The following MYO1H variants were observed in gnomAD, a reference collection of about 807,000 sequenced individuals.
MYO1H encodes myosin IH, also known as unconventional myosin-Ih.
A neutral mutation model predicts 149.3 loss-of-function variants in MYO1H; 118 were observed. The observed-to-expected ratio is 0.79, with a 90% confidence interval of 0.68 to 0.92. MYO1H has a LOEUF of 0.92. Among genes scored for constraint, MYO1H ranks in the 40% least tolerant of loss-of-function variants. MYO1H has a pLI of 0.00. For missense variants in MYO1H, 1,212 were observed against 1,280.7 expected (o/e 0.95, Z 0.82); for synonymous variants, 447 against 465.2 (o/e 0.96, Z 0.50).
At position 109,443,409 on chromosome 12, in the gene MYO1H, G is replaced by C. The variant is rs1013262073; in HGVS notation, c.2689-105G>C. ...ACACACACACATACACGCAAAATCT[G>C]TTTGAGCTTTTCTAAATGCTTGACA... On this transcript the variant is annotated intron_variant, in intron 27 of 31. Transcript: ENST00000310903. 3.9e-6 allele frequency: 5 copies of C among 1,290,942 alleles called. No individual in the cohort carries two copies. The African/African-American group carries it at 6.0e-5, about 15-fold the overall frequency. 80.0% of individuals were successfully genotyped at this position (1,290,942 alleles called of 1,614,324 possible).
intron 14 of MYO1H, among the ~76,000 whole-genome samples, chr12:109,412,666 A>T (rs1399406047): frequency 3.3e-5 from 5 of 152,184 alleles, no homozygotes; most frequent in Non-Finnish European, 7.3e-5. Context: ...AGAGTACCAC[A>T]TCCCACAAGA....
rs1179239532 is a variant in MYO1H at position 109,420,997 on chromosome 12, CA to C, written c.1616del (p.Asn539MetfsTer8). On this transcript the variant is annotated frameshift_variant, in exon 16 of 32. Transcript: ENST00000310903. LOFTEE classifies it high-confidence loss of function. ...GTTTTACAGGATTCTTGGAAAAAAA[CA>C]ATGATCTTCTTTACAGACATCTGAA... The C allele has an allele frequency of 6.3e-7, 1 of 1,586,348 alleles. No individual in the cohort carries two copies. Among genetic ancestry groups the C allele is most frequent in the Non-Finnish European group, 8.6e-7 (1 of 1,158,084 alleles).
At chr12:109,364,171 TAAAAAAAAAAAA>T (rs746308903) in intron 1 of MYO1H, among the ~76,000 whole-genome samples, 13 of 90,290 alleles carry the variant, frequency 1.4e-4, no homozygotes, top group South Asian at 7.8e-4. Flanking sequence ...ACCATGTCTT[TAAAAAAAAAAAA>T]AAAAAAAAAA....
intron 3 of MYO1H, among the ~76,000 whole-genome samples, chr12:109,395,779 C>CTA (rs1056255122): frequency 2.1e-4 from 32 of 151,366 alleles, no homozygotes; most frequent in African/African-American, 6.8e-4. Flanking sequence ...AGCTCTTCTA[C>CTA]TATTTGAGTT....
At chr12:109,443,007 AAAAT>A (rs1322469522) in intron 27 of MYO1H, among the ~76,000 whole-genome samples, 1,327 of 83,894 alleles carry the variant, frequency 0.016, 202 homozygotes, top group Middle Eastern at 0.024. Flanking sequence ...GAAAAAAAAA[AAAAT>A]ATATATATAT....
chr12:109,334,315 C>A, the MYO1H span, among the ~76,000 whole-genome samples: 1 of 152,124 alleles, frequency 6.6e-6, no homozygotes, highest in African/African-American at 2.4e-5. Context: ...CCACCGTGCC[C>A]AGCCCTACTT....
At chr12:109,446,182 G>A (rs1872471273) in intron 31 of MYO1H, 2 of 985,060 alleles carry the variant, frequency 2.0e-6, no homozygotes, top group South Asian at 9.4e-5. Flanking sequence ...AGAGGTTTGG[G>A]AACCATGGCT....
the MYO1H span, among the ~76,000 whole-genome samples, chr12:109,323,378 G>T: frequency 6.6e-6 from 1 of 152,232 alleles, no homozygotes; most frequent in Admixed American, 6.5e-5. Flanking sequence ...AAAATAGCAA[G>T]TGTCATGGGC....
At chr12:109,433,148 C>T in intron 20 of MYO1H, 138 bp downstream of exon 20, 1 of 704,692 alleles carries the variant, frequency 1.4e-6, no homozygotes, top group South Asian at 1.7e-5. Context: ...GCTTCATCTA[C>T]TCGATGTAAA....
chr12:109,411,164 A>T (rs961329509), intron 13 of MYO1H, among the ~76,000 whole-genome samples: 1 of 152,128 alleles, frequency 6.6e-6, no homozygotes, highest in Non-Finnish European at 1.5e-5. Context: ...TAAAAATAAA[A>T]AAAGGGTTGA....
intron 1 of MYO1H, among the ~76,000 whole-genome samples, chr12:109,365,033 G>A (rs1251075624): frequency 6.6e-6 from 1 of 152,180 alleles, no homozygotes; most frequent in Non-Finnish European, 1.5e-5. Flanking sequence ...TGATTTGGAA[G>A]GCCGAGGCGG....
intron 1 of MYO1H, among the ~76,000 whole-genome samples, chr12:109,362,315 C>T (rs1868771427): frequency 6.6e-6 from 1 of 152,140 alleles, no homozygotes; most frequent in Admixed American, 6.5e-5. Context: ...GATGTGAAGT[C>T]TGATTTGAGC....
chr12:109,368,467 G>A (rs1285617323), intron 1 of MYO1H, among the ~76,000 whole-genome samples: 1 of 151,988 alleles, frequency 6.6e-6, no homozygotes, highest in Non-Finnish European at 1.5e-5. Context: ...ACCATCCTGG[G>A]CAACGTGGTG....
intron 12 of MYO1H, among the ~76,000 whole-genome samples, chr12:109,410,286 C>T (rs1870610953): frequency 6.6e-6 from 1 of 152,030 alleles, no homozygotes; most frequent in South Asian, 2.1e-4. Context: ...GGATCACAGG[C>T]ACATGCCACC....
chr12:109,399,422 T>A (rs1171316217), intron 5 of MYO1H, among the ~76,000 whole-genome samples: 1 of 149,766 alleles, frequency 6.7e-6, no homozygotes, highest in African/African-American at 2.5e-5. Context: ...TGAAACCCTG[T>A]CTCTAATAAA....
rs374342129 is a variant in MYO1H at position 109,415,511 on chromosome 12, A to C, written c.1503-15A>C. 6.3e-7 allele frequency: 1 copy of C among 1,591,462 alleles called. No homozygotes were observed. The highest frequency in any genetic ancestry group is 8.6e-7 in the Non-Finnish European group (1 of 1,168,932). ...AGAAAAGAAAGTTCAACTCGTGTCT[A>C]TTTCTGTCTCGTAGCCGTAAGCTGG... On this transcript the variant is annotated splice_polypyrimidine_tract_variant and intron_variant, in intron 14 of 31. Transcript: ENST00000310903.
chr12:109,439,556 CAAAG>C, intron 23 of MYO1H, 71 bp from the exon 24 acceptor site: 2 of 1,480,050 alleles, frequency 1.4e-6, no homozygotes, highest in Non-Finnish European at 1.8e-6. Flanking sequence ...GCCTCTGAAT[CAAAG>C]AAGGGGGAAG....
intron 3 of MYO1H, among the ~76,000 whole-genome samples, chr12:109,394,333 G>A (rs1009371981): frequency 6.6e-6 from 1 of 152,164 alleles, no homozygotes; most frequent in Non-Finnish European, 1.5e-5. Flanking sequence ...TTTGCATGTA[G>A]TTAGAGATTA....
intron 1 of MYO1H, among the ~76,000 whole-genome samples, chr12:109,369,203 G>A (rs957209265): frequency 6.6e-6 from 1 of 152,134 alleles, no homozygotes; most frequent in Non-Finnish European, 1.5e-5. Context: ...GGCCAGGTTA[G>A]TCTCAAACTC....
Sources: allele counts gnomAD v4.1 joint callset (sites outside exome capture counted in the v4.1 genomes callset), GRCh38; gene constraint gnomAD v4.1.1; transcripts MANE v1.5; gene names NCBI Gene and HGNC (gene_info 2026-07-23, HGNC 2026-07-21).